PRKCA: variants seen among roughly 807,000 people sequenced by gnomAD.
The protein encoded by PRKCA is protein kinase C alpha, also known as protein kinase C alpha type.
Under a neutral mutation model 87.0 loss-of-function variants are expected in PRKCA, and 27 were observed. The observed-to-expected ratio is 0.31, with a 90% CI of 0.23 to 0.43. PRKCA has a LOEUF of 0.43. PRKCA is among the 20% of genes least tolerant of loss of function. The pLI is 1.00. For missense variants in PRKCA, 518 were observed against 852.3 expected, an observed-to-expected ratio of 0.61 and a Z score of 4.88; for synonymous variants, 329 against 311.1, an observed-to-expected ratio of 1.06 and a Z score of -0.61.
chr17:66,608,378 CA>C (rs1480370789), intron 3 of PRKCA, among the ~76,000 whole-genome samples: 8 of 151,956 alleles, frequency 5.3e-5, no homozygotes, highest in African/African-American at 1.9e-4. Context: ...CTGCATTAAA[CA>C]GAACTTTTTC....
intron 1 of PRKCA, 73 bp downstream of exon 1, chr17:66,303,097 G>T (rs1240259999): frequency 6.4e-7 from 1 of 1,559,436 alleles, no homozygotes; most frequent in Non-Finnish European, 8.7e-7. Flanking sequence ...GCTCCGGCGC[G>T]TCCGCCCCGG....
intron 3 of PRKCA, among the ~76,000 whole-genome samples, chr17:66,581,106 TTGTTTTA>T (rs1969417108): frequency 6.6e-6 from 1 of 152,210 alleles, no homozygotes; most frequent in Non-Finnish European, 1.5e-5. Flanking sequence ...TGTTTATAAA[TTGTTTTA>T]TGAGTGCATT....
intron 3 of PRKCA, among the ~76,000 whole-genome samples, chr17:66,546,177 G>A (rs968173341): frequency 1.3e-5 from 2 of 151,932 alleles, no homozygotes; most frequent in Non-Finnish European, 2.9e-5. Context: ...AATTTACATG[G>A]GATTATAATT....
chr17:66,406,257 G>T (rs1335394742), intron 2 of PRKCA, among the ~76,000 whole-genome samples: 1 of 152,180 alleles, frequency 6.6e-6, no homozygotes. Context: ...GGGAGGGAAA[G>T]CAGCTTTGAA....
chr17:66,402,414 A>ATT (rs368233389), intron 2 of PRKCA, among the ~76,000 whole-genome samples: 12,000 of 133,604 alleles, frequency 0.09, 545 homozygotes, highest in Admixed American at 0.12. Context: ...AGGCCAAGAA[A>ATT]TTTTTTTTTT....
At chr17:66,610,313 A>C (rs765669375) in intron 3 of PRKCA, among the ~76,000 whole-genome samples, 6 of 152,190 alleles carry the variant, frequency 3.9e-5, no homozygotes, top group Non-Finnish European at 7.3e-5. Context: ...CCCCGGACCC[A>C]CCATCAACAG....
chr17:66,713,636 C>T (rs944877350), intron 8 of PRKCA, among the ~76,000 whole-genome samples: 1 of 152,172 alleles, frequency 6.6e-6, no homozygotes, highest in Non-Finnish European at 1.5e-5. Context: ...GAAAATGTCA[C>T]CCGCATGTTG....
intron 5 of PRKCA, among the ~76,000 whole-genome samples, chr17:66,654,728 G>C (rs1329134852): frequency 6.6e-6 from 1 of 152,188 alleles, no homozygotes; most frequent in African/African-American, 2.4e-5. Context: ...TGGCACCACT[G>C]GGGGTGAGGG....
At chr17:66,560,394 G>A (rs184733949) in intron 3 of PRKCA, among the ~76,000 whole-genome samples, 1 of 152,196 alleles carries the variant, frequency 6.6e-6, no homozygotes, top group Non-Finnish European at 1.5e-5. Context: ...TGTAAGTATT[G>A]CTGGTCAGGA....
intron 2 of PRKCA, among the ~76,000 whole-genome samples, chr17:66,440,445 A>G (rs957816878): frequency 2.6e-5 from 4 of 152,164 alleles, no homozygotes; most frequent in Admixed American, 6.5e-5. Flanking sequence ...CCTGCTTTCT[A>G]TTTCTAGAGT....
At chr17:66,499,517 T>G (rs561254891) in intron 3 of PRKCA, among the ~76,000 whole-genome samples, 6 of 152,370 alleles carry the variant, frequency 3.9e-5, no homozygotes, top group African/African-American at 1.2e-4. Flanking sequence ...AATTGATGCC[T>G]GTTAATTATT....
intron 5 of PRKCA, among the ~76,000 whole-genome samples, chr17:66,653,101 C>T (rs939256748): frequency 1.3e-5 from 2 of 152,220 alleles, no homozygotes; most frequent in African/African-American, 2.4e-5. Flanking sequence ...TGCCATGACA[C>T]AGCCGGCCAG....
intron 3 of PRKCA, among the ~76,000 whole-genome samples, chr17:66,588,998 C>T (rs1288810608): frequency 2.0e-5 from 3 of 152,082 alleles, no homozygotes; most frequent in African/African-American, 7.2e-5. Flanking sequence ...TGATGGTTCT[C>T]CAGGGTCACT....
At chr17:66,550,961 G>A (rs1396597377) in intron 3 of PRKCA, among the ~76,000 whole-genome samples, 3 of 152,170 alleles carry the variant, frequency 2.0e-5, no homozygotes, top group Non-Finnish European at 4.4e-5. Context: ...TATATAACAT[G>A]AGTTACATGG....
At chr17:66,730,204 G>C (rs1973851922) in intron 8 of PRKCA, among the ~76,000 whole-genome samples, 1 of 152,216 alleles carries the variant, frequency 6.6e-6, no homozygotes, top group Admixed American at 6.5e-5. Context: ...TGCATGTCCT[G>C]TGCCAAGCAC....
chr17:66,639,542 C>G (rs558815012), intron 3 of PRKCA, among the ~76,000 whole-genome samples: 1 of 152,228 alleles, frequency 6.6e-6, no homozygotes, highest in South Asian at 2.1e-4. Context: ...CACACGCCAC[C>G]ATGCCTGGGT....
intron 3 of PRKCA, among the ~76,000 whole-genome samples, chr17:66,586,350 TA>T (rs11302296): frequency 0.21 from 31,369 of 152,068 alleles, 3,403 homozygotes; most frequent in African/African-American, 0.28. Flanking sequence ...GATTAACTAT[TA>T]ACTGAAAGAT....
chr17:66,303,096 C>A, intron 1 of PRKCA, 72 bp downstream of exon 1: 2 of 1,560,792 alleles, frequency 1.3e-6, no homozygotes, highest in Non-Finnish European at 1.7e-6. Context: ...CGCTCCGGCG[C>A]GTCCGCCCCG....
At chr17:66,397,500 C>T (rs964642781) in intron 2 of PRKCA, among the ~76,000 whole-genome samples, 17 of 151,996 alleles carry the variant, frequency 1.1e-4, no homozygotes, top group African/African-American at 3.9e-4. Context: ...TCTTTAAAAA[C>T]GTTTTCTGTT....
Sources: allele counts gnomAD v4.1 joint callset (sites outside exome capture counted in the v4.1 genomes callset), GRCh38; gene constraint gnomAD v4.1.1; transcripts MANE v1.5; gene names NCBI Gene and HGNC (gene_info 2026-07-23, HGNC 2026-07-21).